CLSTN2: variants seen among roughly 807,000 people sequenced by gnomAD.
CLSTN2 encodes calsyntenin 2, also known as calsyntenin-2.
A neutral mutation model predicts 101.2 loss-of-function variants in CLSTN2; 48 were observed. That is an observed-to-expected ratio of 0.47 (90% CI 0.38 to 0.60). The LOEUF is 0.60. Among genes scored for constraint, CLSTN2 ranks in the 20% least tolerant of loss-of-function variants. CLSTN2 has a pLI of 0.00. For synonymous variants in CLSTN2, 481 were observed against 463.6 expected, an observed-to-expected ratio of 1.04 and a Z score of -0.48; for missense variants, 1,160 against 1,238.2, an observed-to-expected ratio of 0.94 and a Z score of 0.95.
chr3:140,300,705 C>A lies in CLSTN2; in HGVS notation c.233-102924C>A, dbSNP rs528193234. ...TTCATACTCTTTCAACTCAAGATAT[C>A]TTTACACTCTTAAAAATTATTACTG... On this transcript the variant is annotated intron_variant, in intron 2 of 16. Coordinates refer to ENST00000458420, the MANE Select transcript of CLSTN2 (RefSeq NM_022131.3). Among the ~76,000 whole-genome samples, 3 of 152,150 alleles carry A rather than the reference C, an allele frequency of 2.0e-5. No individual in the cohort carries two copies. The South Asian group carries it at 6.2e-4, about 32-fold the overall frequency.
At chr3:139,964,702 G>A (rs1935564495) in intron 1 of CLSTN2, among the ~76,000 whole-genome samples, 1 of 152,118 alleles carries the variant, frequency 6.6e-6, no homozygotes, top group African/African-American at 2.4e-5. Flanking sequence ...CATAAGGACT[G>A]ACTCCTGTGT....
intron 1 of CLSTN2, among the ~76,000 whole-genome samples, chr3:139,995,955 T>A (rs2006643783): frequency 6.6e-6 from 1 of 152,238 alleles, no homozygotes; most frequent in Non-Finnish European, 1.5e-5. Context: ...CCCTCTTTTA[T>A]TAAAAAATGT....
chr3:140,477,433 T>G (rs531617), intron 8 of CLSTN2, among the ~76,000 whole-genome samples: 59,083 of 151,882 alleles, frequency 0.39, 12,353 homozygotes, highest in African/African-American at 0.56. Context: ...ACTAACTCTT[T>G]GTGGTTTTAG....
At chr3:140,304,810 C>T (rs557440174) in intron 2 of CLSTN2, among the ~76,000 whole-genome samples, 1 of 152,078 alleles carries the variant, frequency 6.6e-6, no homozygotes, top group Non-Finnish European at 1.5e-5. Context: ...GAGTCCCCAC[C>T]CCAACCCCAC....
At chr3:140,078,038 C>T (rs756836308) in intron 1 of CLSTN2, among the ~76,000 whole-genome samples, 4 of 152,098 alleles carry the variant, frequency 2.6e-5, no homozygotes, top group African/African-American at 4.8e-5. Context: ...TTGGGTAACA[C>T]GGTGGATGAG....
In CLSTN2 at chr3:140,095,862, C is replaced by T. The variant is rs149626811; in HGVS notation, c.110-80089C>T. On this transcript the variant is annotated intron_variant, in intron 1 of 16. Coordinates refer to ENST00000458420, the MANE Select transcript of CLSTN2 (RefSeq NM_022131.3). ...CAAACCCCGTAAATTAGTGTTAGGACGCGCAAGTAATTGAGTTACAAGCTG... is the reference window on the plus strand; with the variant it reads ...CAAACCCCGTAAATTAGTGTTAGGATGCGCAAGTAATTGAGTTACAAGCTG... Among the ~76,000 whole-genome samples the T allele has an allele frequency of 1.4e-3, 207 of 152,218 alleles. 1 individual carries two copies. The highest frequency in any genetic ancestry group is 3.6e-3 in the African/African-American group (149 of 41,530).
At chr3:140,148,177 G>A (rs1433937583) in intron 1 of CLSTN2, among the ~76,000 whole-genome samples, 1 of 152,186 alleles carries the variant, frequency 6.6e-6, no homozygotes, top group African/African-American at 2.4e-5. Flanking sequence ...AGGCTGCCTG[G>A]AACTTTGTGG....
intron 2 of CLSTN2, among the ~76,000 whole-genome samples, chr3:140,248,988 A>T (rs2086539789): frequency 6.6e-6 from 1 of 152,132 alleles, no homozygotes; most frequent in African/African-American, 2.4e-5. Context: ...AATTCATGGG[A>T]GTTCAGTTAT....
intron 9 of CLSTN2, among the ~76,000 whole-genome samples, chr3:140,544,113 C>A (rs1478325345): frequency 1.3e-5 from 2 of 152,220 alleles, no homozygotes; most frequent in Non-Finnish European, 2.9e-5. Context: ...TCAATTCAAG[C>A]AAACAATTAC....
chr3:140,161,171 A>G (rs1384884104), intron 1 of CLSTN2, among the ~76,000 whole-genome samples: 1 of 152,172 alleles, frequency 6.6e-6, no homozygotes, highest in African/African-American at 2.4e-5. Context: ...ACTAGGAGAC[A>G]TTGACACCTT....
At chr3:140,050,516 T>C (rs2007970977) in intron 1 of CLSTN2, among the ~76,000 whole-genome samples, 2 of 152,118 alleles carry the variant, frequency 1.3e-5, no homozygotes, top group Admixed American at 1.3e-4. Context: ...CAGGAGCAGT[T>C]AGTGGGCCAG....
At chr3:140,334,410 G>A (rs1481255695) in intron 2 of CLSTN2, among the ~76,000 whole-genome samples, 4 of 152,184 alleles carry the variant, frequency 2.6e-5, no homozygotes, top group Non-Finnish European at 4.4e-5. Context: ...GGATTCATTC[G>A]TCACTGCCCA....
At chr3:140,195,424 C>T (rs1177873056) in intron 2 of CLSTN2, among the ~76,000 whole-genome samples, 1 of 152,106 alleles carries the variant, frequency 6.6e-6, no homozygotes, top group Non-Finnish European at 1.5e-5. Flanking sequence ...TTTTTCTCCC[C>T]AGCATTCAGA....
intron 12 of CLSTN2, 140 bp downstream of exon 12, chr3:140,558,997 C>G (rs943666273): frequency 6.2e-6 from 4 of 643,930 alleles, no homozygotes; most frequent in Non-Finnish European, 1.1e-5. Context: ...TGTATTATAG[C>G]AAAACAGACA....
intron 5 of CLSTN2, among the ~76,000 whole-genome samples, chr3:140,421,638 A>G (rs2107991587): frequency 6.6e-6 from 1 of 152,276 alleles, no homozygotes; most frequent in South Asian, 2.1e-4. Context: ...CAAGTTTTGC[A>G]TCACGGATCA....
intron 1 of CLSTN2, among the ~76,000 whole-genome samples, chr3:140,129,606 GGACT>G (rs1308747459): frequency 1.3e-5 from 2 of 152,156 alleles, no homozygotes; most frequent in Non-Finnish European, 2.9e-5. Flanking sequence ...TTAAAGATAA[GGACT>G]GTATCTTTCT....
At chr3:140,230,664 G>A (rs1020622224) in intron 2 of CLSTN2, among the ~76,000 whole-genome samples, 4 of 152,162 alleles carry the variant, frequency 2.6e-5, no homozygotes, top group African/African-American at 9.7e-5. Flanking sequence ...ATCTGCCGGT[G>A]CTTTAATCTT....
intron 8 of CLSTN2, among the ~76,000 whole-genome samples, chr3:140,471,525 C>A (rs966589738): frequency 6.6e-6 from 1 of 152,142 alleles, no homozygotes; most frequent in Non-Finnish European, 1.5e-5. Context: ...CCTCTCTGTG[C>A]CAGAAATTGT....
chr3:140,354,143 C>A (rs1253255599), intron 2 of CLSTN2, among the ~76,000 whole-genome samples: 2 of 152,102 alleles, frequency 1.3e-5, no homozygotes, highest in East Asian at 3.9e-4. Flanking sequence ...GGATGTAAGG[C>A]CAGACAAGGT....
Sources: gnomAD v4.1 joint callset for allele counts (sites outside exome capture counted in the v4.1 genomes callset) on GRCh38, gnomAD v4.1.1 for gene constraint, MANE v1.5 for transcripts, NCBI Gene and HGNC (gene_info 2026-07-23, HGNC 2026-07-21) for gene names.